Variants in OXCT1 observed in about 807,000 individuals in gnomAD.
The protein encoded by OXCT1 is succinyl-CoA:3-ketoacid coenzyme A transferase 1, mitochondrial.
OXCT1 carries 27 observed loss-of-function variants against 69.6 expected under a neutral mutation model. The observed-to-expected ratio is 0.39, with a 90% confidence interval of 0.29 to 0.54. The LOEUF is 0.54. OXCT1 is among the 20% of genes least tolerant of loss of function. OXCT1 has a pLI of 0.72. For synonymous variants in OXCT1, 202 were observed against 217.8 expected (o/e 0.93, Z 0.64); for missense variants, 437 against 650.2 (o/e 0.67, Z 3.57).
At chr5:41,811,061 C>A (rs1746959818) in intron 7 of OXCT1, among the ~76,000 whole-genome samples, 2 of 140,346 alleles carry the variant, frequency 1.4e-5, no homozygotes. Context: ...TCATGAGAAA[C>A]ATTAACTCCA....
chr5:41,837,390 A>G (rs1748418796), intron 7 of OXCT1, among the ~76,000 whole-genome samples: 1 of 152,120 alleles, frequency 6.6e-6, no homozygotes. Flanking sequence ...CTATAGTACT[A>G]GAACAGACAT....
At chr5:41,838,080 C>A (rs141068882) in intron 7 of OXCT1, among the ~76,000 whole-genome samples, 2,058 of 152,180 alleles carry the variant, frequency 0.014, 100 homozygotes, top group South Asian at 0.079. Flanking sequence ...ACTTCAGAGA[C>A]CAGCTTATAA....
intron 5 of OXCT1, among the ~76,000 whole-genome samples, chr5:41,846,120 G>GTATT (rs1471782116): frequency 4.8e-4 from 73 of 151,630 alleles, no homozygotes; most frequent in African/African-American, 1.7e-3. Context: ...ATGTATGTAT[G>GTATT]TATGTATTTA....
At chr5:41,811,857 A>C (rs923796437) in intron 7 of OXCT1, among the ~76,000 whole-genome samples, 1 of 152,088 alleles carries the variant, frequency 6.6e-6, no homozygotes, top group African/African-American at 2.4e-5. Flanking sequence ...AATATGCATA[A>C]CACCTGGGAT....
intron 7 of OXCT1, among the ~76,000 whole-genome samples, chr5:41,821,939 G>A (rs765467982): frequency 1.3e-5 from 2 of 151,934 alleles, no homozygotes; most frequent in South Asian, 2.1e-4. Context: ...TAATTTTAAC[G>A]AAGTCCAACC....
chr5:41,792,187 T>C (rs34625465), intron 13 of OXCT1, among the ~76,000 whole-genome samples: 27,866 of 152,218 alleles, frequency 0.18, 2,762 homozygotes, highest in Middle Eastern at 0.29. Context: ...CATTGTCACA[T>C]GTATTCCTTC....
chr5:41,795,969 C>A (rs1262353631), intron 11 of OXCT1, among the ~76,000 whole-genome samples: 1 of 152,140 alleles, frequency 6.6e-6, no homozygotes, highest in Non-Finnish European at 1.5e-5. Flanking sequence ...CTCGACTTTT[C>A]ATCTCTCTCC....
chr5:41,859,861 A>AGTAATATATATATATATATATATAT (rs1172538762), intron 3 of OXCT1, among the ~76,000 whole-genome samples: 22 of 96,774 alleles, frequency 2.3e-4, no homozygotes, highest in East Asian at 6.3e-4. Context: ...TGACTAGTAT[A>AGTAATATATATATATATATATATAT]GTAATATATA....
At chr5:41,788,112 A>C (rs1218380226) in intron 13 of OXCT1, among the ~76,000 whole-genome samples, 1 of 152,234 alleles carries the variant, frequency 6.6e-6, no homozygotes, top group Non-Finnish European at 1.5e-5. Context: ...ACTAAAGAAC[A>C]CACAATAAGG....
At chr5:41,800,381 T>G (rs1746366850) in intron 11 of OXCT1, among the ~76,000 whole-genome samples, 1 of 151,810 alleles carries the variant, frequency 6.6e-6, no homozygotes, top group South Asian at 2.1e-4. Context: ...TACCAGATCT[T>G]TTCTTTTTGC....
intron 7 of OXCT1, among the ~76,000 whole-genome samples, chr5:41,820,167 T>C (rs1342903986): frequency 6.6e-6 from 1 of 152,178 alleles, no homozygotes; most frequent in Non-Finnish European, 1.5e-5. Flanking sequence ...AGTCAATAAA[T>C]ATATGAAAAA....
chr5:41,813,123 T>C (rs1375774121), intron 7 of OXCT1, among the ~76,000 whole-genome samples: 1 of 152,038 alleles, frequency 6.6e-6, no homozygotes, highest in Admixed American at 6.6e-5. Context: ...AAGCACAGTG[T>C]GTAGTTTCAC....
chr5:41,732,231 T>C (rs1206932815), intron 16 of OXCT1, among the ~76,000 whole-genome samples: 1 of 152,188 alleles, frequency 6.6e-6, no homozygotes, highest in Non-Finnish European at 1.5e-5. Flanking sequence ...TAAATACATA[T>C]TAATGAAGAG....
chr5:41,754,152 C>T (rs1010679169), intron 14 of OXCT1, among the ~76,000 whole-genome samples: 2 of 106,888 alleles, frequency 1.9e-5, no homozygotes, highest in African/African-American at 7.3e-5. Context: ...AGAAGGACTA[C>T]AAGGGCTTCT....
At chr5:41,840,383 T>A (rs537374930) in intron 7 of OXCT1, 68 bp downstream of exon 7, 1 of 1,216,086 alleles carries the variant, frequency 8.2e-7, no homozygotes, top group South Asian at 1.2e-5. Context: ...CTGTGGTACT[T>A]TTTCTTGAAT....
At chr5:41,834,682 A>G (rs1049590064) in intron 7 of OXCT1, among the ~76,000 whole-genome samples, 1 of 152,156 alleles carries the variant, frequency 6.6e-6, no homozygotes, top group African/African-American at 2.4e-5. Flanking sequence ...CATAGAGCAA[A>G]TATTATTAGA....
At chr5:41,867,154 T>C (rs1485862738) in intron 1 of OXCT1, among the ~76,000 whole-genome samples, 1 of 152,240 alleles carries the variant, frequency 6.6e-6, no homozygotes, top group Non-Finnish European at 1.5e-5. Flanking sequence ...TCTTTAGTGT[T>C]GATTTGTGAC....
chr5:41,862,999 T>G (rs1749813289), intron 1 of OXCT1, among the ~76,000 whole-genome samples: 1 of 152,150 alleles, frequency 6.6e-6, no homozygotes, highest in Non-Finnish European at 1.5e-5. Flanking sequence ...TTTCCCTTTC[T>G]GAGGTCTGTC....
At chr5:41,863,667 AAGT>A (rs1319213703) in intron 1 of OXCT1, among the ~76,000 whole-genome samples, 1 of 152,234 alleles carries the variant, frequency 6.6e-6, no homozygotes, top group African/African-American at 2.4e-5. Flanking sequence ...AAAAGAATGA[AAGT>A]AGAAAGAAAA....
Sources: allele counts gnomAD v4.1 joint callset (sites outside exome capture counted in the v4.1 genomes callset), GRCh38; gene constraint gnomAD v4.1.1; transcripts MANE v1.5; gene names NCBI Gene and HGNC (gene_info 2026-07-23, HGNC 2026-07-21).